Variants in MROH9 observed in about 807,000 individuals in gnomAD.
MROH9 encodes maestro heat like repeat family member 9.
Under a neutral mutation model 98.2 loss-of-function variants are expected in MROH9, and 92 were observed. That is an observed-to-expected ratio of 0.94 (90% CI 0.79 to 1.11). The LOEUF (loss-of-function observed/expected upper bound fraction) is 1.11, where lower values mean the gene tolerates loss of function less well. Ranked by LOEUF, MROH9 falls within the 50% of genes most tolerant of loss-of-function variation. MROH9 has a pLI of 0.00. For missense variants in MROH9, 1,057 were observed against 1,014.8 expected (o/e 1.04, Z -0.57); for synonymous variants, 397 against 368.9 (o/e 1.08, Z -0.87).
At chr1:171,046,059 C>G (rs1247147249) in intron 20 of MROH9, among the ~76,000 whole-genome samples, 1 of 151,912 alleles carries the variant, frequency 6.6e-6, no homozygotes, top group Non-Finnish European at 1.5e-5. Context: ...CTTCTTTGTC[C>G]TTCCTTATAG....
rs756781236 is a variant in MROH9 at position 170,961,999 on chromosome 1, A to G, written c.375+23A>G. On this transcript the variant is annotated intron_variant, in intron 6 of 21. Coordinates refer to ENST00000367759, the MANE Select transcript of MROH9 (RefSeq NM_001163629.2). ...AAGGTAAAGAGGAAATAAGTAGTTT[A>G]ATTTTCTTGTCATAAGTCTAGTATG... The G allele has an allele frequency of 6.8e-5, 91 of 1,329,854 alleles. 2 individuals carry two copies. The South Asian group carries it at 1.2e-3, about 17-fold the overall frequency. 82.4% of individuals were successfully genotyped at this position (1,329,854 alleles called of 1,614,324 possible). A position where few individuals can be genotyped will look rare whatever the true frequency, so the allele number is the denominator to read the frequency against.
intron 7 of MROH9, among the ~76,000 whole-genome samples, chr1:170,967,343 C>T (rs28626381): frequency 3.4e-4 from 52 of 152,260 alleles, no homozygotes; most frequent in Non-Finnish European, 6.8e-4. Context: ...TCAGTAAGTT[C>T]GCTTTCTCTT....
chr1:170,990,137 T>G, intron 11 of MROH9, 134 bp downstream of exon 11: 1 of 893,682 alleles, frequency 1.1e-6, no homozygotes, highest in Non-Finnish European at 1.6e-6. Flanking sequence ...AAATCTATTT[T>G]TGCACCATGT....
At chr1:170,982,617 T>A (rs545940523) in intron 8 of MROH9, among the ~76,000 whole-genome samples, 1 of 152,274 alleles carries the variant, frequency 6.6e-6, no homozygotes, top group East Asian at 1.9e-4. Flanking sequence ...GGGCTGGGCA[T>A]GGTGGCTCAC....
chr1:170,964,377 T>C (rs1296543229), intron 6 of MROH9, among the ~76,000 whole-genome samples: 3 of 152,036 alleles, frequency 2.0e-5, no homozygotes, highest in Non-Finnish European at 4.4e-5. Context: ...CTCTGAGATT[T>C]AGAAACTCTT....
In MROH9 at chr1:171,064,339, AG is replaced by A; in HGVS notation, c.2586del (p.Ter862=). The A allele has an allele frequency of 2.6e-6, 4 of 1,526,734 alleles. No homozygotes were observed. The highest frequency in any genetic ancestry group is 3.5e-6 in the Non-Finnish European group (4 of 1,140,012). The allele number at this position is 1,526,734 out of a possible 1,614,324, so 94.6% of individuals were successfully genotyped here. On this transcript the variant is annotated frameshift_variant and stop_lost, in exon 22 of 22. Transcript: ENST00000367759. LOFTEE classifies it high-confidence loss of function. ...SKDVKNDKAL[*>X] The stretch of plus-strand genomic sequence containing the variant: ...GATGTCAAGAATGATAAGGCCTTAT[AG>A]AAGAGAATGATGATGACATTCATCA...
At chr1:171,054,125 A>G (rs1281171078) in intron 20 of MROH9, among the ~76,000 whole-genome samples, 5 of 152,260 alleles carry the variant, frequency 3.3e-5, no homozygotes, top group Admixed American at 1.3e-4. Context: ...TAGATACAAC[A>G]TCAGTATACA....
chr1:170,943,016 A>G (rs1376692650), intron 1 of MROH9, among the ~76,000 whole-genome samples: 1 of 152,182 alleles, frequency 6.6e-6, no homozygotes, highest in African/African-American at 2.4e-5. Context: ...CCTCCAGGTG[A>G]AAGTCCTGAA....
At chr1:171,016,536 A>G (rs1652333647) in intron 17 of MROH9, among the ~76,000 whole-genome samples, 200 bp downstream of exon 17, 1 of 152,048 alleles carries the variant, frequency 6.6e-6, no homozygotes, top group Non-Finnish European at 1.5e-5. Context: ...AGAAAAGAAG[A>G]CTAATCAAGG....
At chr1:170,953,631 T>G (rs1423414845) in intron 3 of MROH9, among the ~76,000 whole-genome samples, 1 of 152,036 alleles carries the variant, frequency 6.6e-6, no homozygotes, top group African/African-American at 2.4e-5. Flanking sequence ...AAGGAGATGT[T>G]CTTCATGAAG....
At chr1:170,962,114 T>C in intron 6 of MROH9, 138 bp downstream of exon 6, 1 of 542,104 alleles carries the variant, frequency 1.8e-6, no homozygotes, top group Non-Finnish European at 3.3e-6. Flanking sequence ...CACAGAAGAG[T>C]GAAATGTAGT....
intron 12 of MROH9, among the ~76,000 whole-genome samples, chr1:170,994,451 T>C (rs1475005161): frequency 6.6e-6 from 1 of 152,188 alleles, no homozygotes; most frequent in East Asian, 1.9e-4. Context: ...CACATGTCAT[T>C]TTAATTTTTT....
At chr1:170,958,439 T>C (rs761194612) in intron 3 of MROH9, 22 bp from the exon 4 acceptor site, 40 of 1,417,588 alleles carry the variant, frequency 2.8e-5, no homozygotes, top group Non-Finnish European at 3.7e-5. Context: ...CTTTTTTTTT[T>C]TTTTTTTAAC....
chr1:170,942,253 G>C (rs753544626), intron 1 of MROH9, among the ~76,000 whole-genome samples: 1 of 151,794 alleles, frequency 6.6e-6, no homozygotes, highest in Non-Finnish European at 1.5e-5. Flanking sequence ...GTCTAGTTAC[G>C]GGTCTAGAAG....
intron 8 of MROH9, among the ~76,000 whole-genome samples, chr1:170,975,330 T>C (rs189643173): frequency 6.6e-6 from 1 of 152,218 alleles, no homozygotes; most frequent in Non-Finnish European, 1.5e-5. Flanking sequence ...TATTCTATTA[T>C]TATAAAAAGA....
chr1:170,986,773 G>T, intron 10 of MROH9, 63 bp downstream of exon 10: 1 of 1,502,906 alleles, frequency 6.7e-7, no homozygotes, highest in Non-Finnish European at 9.1e-7. Context: ...ATTTTTGCCT[G>T]TGTTGTATGT....
rs1408877878 is a variant in MROH9, at chr1:170,959,590, A to T, written c.281A>T (p.Asp94Val). The T allele has an allele frequency of 1.9e-6, 3 of 1,611,134 alleles. No individual in the cohort carries two copies. Among genetic ancestry groups the T allele is most frequent in the Non-Finnish European group, 2.5e-6 (3 of 1,179,136 alleles). The change falls in exon 5 of 22, where the codon GAC (aspartate) becomes GTC (valine). Residue 94 changes from aspartate (D) to valine (V), a missense_variant. Physicochemically the swap from Asp to Val is radical, Grantham distance 152. Coordinates refer to ENST00000367759, the MANE Select transcript of MROH9 (RefSeq NM_001163629.2). Reference protein sequence around the residue: ...EMGSSYEYIEDMENLYHNILN... With the variant: ...EMGSSYEYIEVMENLYHNILN... ...GGGAGCAGTTATGAGTACATTGAGG[A>T]CATGGAGGTAAAATTTTTCTTCCTT...
chr1:170,970,855 C>T (rs370616541), intron 7 of MROH9, among the ~76,000 whole-genome samples: 2 of 151,892 alleles, frequency 1.3e-5, no homozygotes, highest in East Asian at 3.9e-4. Context: ...CAGAAGCAGG[C>T]CTTGGGATCC....
chr1:170,947,588 A>C lies in MROH9; in HGVS notation c.72+15A>C. The C allele has an allele frequency of 6.3e-7, 1 of 1,590,938 alleles. No individual in the cohort carries two copies. The highest frequency in any genetic ancestry group is 8.6e-7 in the Non-Finnish European group (1 of 1,160,974). On this transcript the variant is annotated intron_variant, in intron 3 of 21. Coordinates refer to ENST00000367759, the MANE Select transcript of MROH9 (RefSeq NM_001163629.2). ...GGCACCACATGGTAAGTGATATTCT[A>C]TAAGGATATCAACGTAACTGAATTC...
Sources: gnomAD v4.1 joint callset for allele counts (sites outside exome capture counted in the v4.1 genomes callset) on GRCh38, gnomAD v4.1.1 for gene constraint, MANE v1.5 for transcripts, NCBI Gene and HGNC (gene_info 2026-07-23, HGNC 2026-07-21) for gene names.